SDK1: variants seen among roughly 807,000 people sequenced by gnomAD.
The protein encoded by SDK1 is protein sidekick-1.
SDK1 carries 157 observed loss-of-function variants against 245.5 expected under a neutral mutation model. The ratio of observed to expected loss-of-function variants is 0.64; its 90% CI spans 0.56 to 0.73. SDK1 has a LOEUF of 0.73. Among genes scored for constraint, SDK1 ranks in the 30% least tolerant of loss-of-function variants. The pLI, the probability that SDK1 is intolerant of heterozygous loss-of-function variation, is 0.00. For missense variants in SDK1, 3,583 were observed against 3,002.3 expected (o/e 1.19, Z -4.52); for synonymous variants, 1,647 against 1,278.5 (o/e 1.29, Z -6.15).
Position 3,471,037 on chromosome 7 carries a change from C to G in SDK1, c.299-148043C>G, listed in dbSNP as rs182963592. On this transcript the variant is annotated intron_variant, in intron 1 of 44. Coordinates refer to ENST00000404826, the MANE Select transcript of SDK1 (RefSeq NM_152744.4). ...AGTTTCTGAGTTGACCAACAAGATTCCATCAGCATCTGGCAATTATTTTAT... is the reference window on the plus strand; with the variant it reads ...AGTTTCTGAGTTGACCAACAAGATTGCATCAGCATCTGGCAATTATTTTAT... Among the ~76,000 whole-genome samples, 374 of 152,250 alleles carry G rather than the reference C, an allele frequency of 2.5e-3. 4 individuals are homozygous for G. The highest frequency in any genetic ancestry group is 8.6e-3 in the African/African-American group (358 of 41,550).
intron 5 of SDK1, among the ~76,000 whole-genome samples, chr7:3,841,788 C>T (rs1294499310): frequency 6.6e-6 from 1 of 152,082 alleles, no homozygotes; most frequent in Non-Finnish European, 1.5e-5. Context: ...GTCTCGAACT[C>T]CTGACCTCAG....
intron 17 of SDK1, among the ~76,000 whole-genome samples, chr7:4,024,776 G>C (rs1220622524): frequency 1.3e-5 from 2 of 152,158 alleles, no homozygotes; most frequent in African/African-American, 4.8e-5. Flanking sequence ...AAGTCTGCTG[G>C]GCTCCCAAGC....
chr7:3,825,361 T>C (rs1779746416), intron 5 of SDK1, among the ~76,000 whole-genome samples: 1 of 149,444 alleles, frequency 6.7e-6, no homozygotes, highest in Non-Finnish European at 1.5e-5. Flanking sequence ...ATGAGACGAA[T>C]TCTATACAGT....
At chr7:4,083,775 T>TTTAC (rs2128180574) in intron 22 of SDK1, among the ~76,000 whole-genome samples, 5 of 55,560 alleles carry the variant, frequency 9.0e-5, no homozygotes, top group Admixed American at 2.4e-4. Context: ...CCCTCCCTTC[T>TTTAC]TTCCTCCCTC....
chr7:3,495,693 C>T (rs566606389), intron 1 of SDK1, among the ~76,000 whole-genome samples: 4 of 152,340 alleles, frequency 2.6e-5, no homozygotes, highest in South Asian at 4.1e-4. Context: ...GTGGTTCCTG[C>T]GTCAGTCTTC....
At chr7:3,602,689 C>G (rs1781289863) in intron 1 of SDK1, among the ~76,000 whole-genome samples, 1 of 151,968 alleles carries the variant, frequency 6.6e-6, no homozygotes, top group Admixed American at 6.6e-5. Flanking sequence ...AATTAGATCC[C>G]ATTTGTCAAT....
intron 5 of SDK1, among the ~76,000 whole-genome samples, chr7:3,920,768 G>A (rs1779559135): frequency 6.6e-6 from 1 of 151,706 alleles, no homozygotes; most frequent in South Asian, 2.1e-4. Context: ...GGAGCAGTGA[G>A]AGTGAAGAGG....
Position 3,821,433 on chromosome 7 carries a change from C to A in SDK1, c.714-17C>A. On this transcript the variant is annotated splice_polypyrimidine_tract_variant and intron_variant, in intron 4 of 44. Coordinates refer to ENST00000404826, the MANE Select transcript of SDK1 (RefSeq NM_152744.4). ...CCTGGAGTAGCTTTGACACTGTCCT[C>A]TTCTTTTCTGAAACAGAGCCATCAC... 2 of 1,611,002 alleles carry A rather than the reference C, an allele frequency of 1.2e-6. No individual in the cohort carries two copies. The highest frequency in any genetic ancestry group is 1.7e-6 in the Non-Finnish European group (2 of 1,178,874).
At position 3,301,679 on chromosome 7, in the gene SDK1, C is replaced by G. The variant is rs1039180433; in HGVS notation, c.93C>G (p.Ser31=). 8 of 974,388 alleles carry G rather than the reference C, an allele frequency of 8.2e-6. No individual in the cohort carries two copies. In the African/African-American group the frequency reaches 1.4e-4, roughly 17 times the overall value. 60.4% of individuals were successfully genotyped at this position (974,388 alleles called of 1,614,324 possible). ...ERAGPGRPRG[S]PPGRARPSLA... is the part of the protein sequence containing the mutation. ...CGGGCCCCGGGCGGCCGCGGGGATC[C>G]CCGCCCGGCCGCGCCCGCCCCTCGC... The change falls in exon 1 of 45, where the codon TCC becomes TCG. Residue 31 remains serine, a synonymous_variant. Transcript: ENST00000404826.
At chr7:4,002,646 A>C (rs1159687493) in intron 14 of SDK1, among the ~76,000 whole-genome samples, 1 of 152,218 alleles carries the variant, frequency 6.6e-6, no homozygotes, top group Non-Finnish European at 1.5e-5. Flanking sequence ...TTATGGTATA[A>C]ATAATGTACA....
intron 4 of SDK1, among the ~76,000 whole-genome samples, chr7:3,754,590 C>A (rs925215240): frequency 6.6e-6 from 1 of 152,034 alleles, no homozygotes; most frequent in African/African-American, 2.4e-5. Context: ...CTCCAGTGTT[C>A]CTCCTTCCTC....
chr7:3,604,759 C>A (rs1038701841), intron 1 of SDK1, among the ~76,000 whole-genome samples: 3 of 151,572 alleles, frequency 2.0e-5, no homozygotes, highest in African/African-American at 7.3e-5. Flanking sequence ...TGTGTCACTA[C>A]GGCAGGCTAA....
At chr7:3,529,398 G>C (rs191248140) in intron 1 of SDK1, among the ~76,000 whole-genome samples, 1 of 152,330 alleles carries the variant, frequency 6.6e-6, no homozygotes, top group African/African-American at 2.4e-5. Context: ...ATCTGTGCTA[G>C]AAAGTAAGGA....
At chr7:4,068,156 CCAT>C (rs1393093664) in intron 20 of SDK1, among the ~76,000 whole-genome samples, 1 of 152,178 alleles carries the variant, frequency 6.6e-6, no homozygotes, top group Non-Finnish European at 1.5e-5. Context: ...TGGGCAGCAG[CCAT>C]AGTTTGAGAT....
intron 1 of SDK1, among the ~76,000 whole-genome samples, chr7:3,315,698 C>T (rs1224158322): frequency 6.6e-6 from 1 of 151,992 alleles, no homozygotes; most frequent in Non-Finnish European, 1.5e-5. Context: ...GCATTTATAA[C>T]TTTTTAAAAA....
intron 44 of SDK1, among the ~76,000 whole-genome samples, chr7:4,254,958 C>T (rs1216540329): frequency 2.0e-5 from 3 of 152,214 alleles, no homozygotes; most frequent in Non-Finnish European, 4.4e-5. Flanking sequence ...TGGCGTCATA[C>T]CCAGCAGTTA....
intron 20 of SDK1, among the ~76,000 whole-genome samples, chr7:4,068,926 T>C (rs147503011): frequency 0.024 from 3,633 of 152,154 alleles, 123 homozygotes; most frequent in African/African-American, 0.068. Flanking sequence ...TTTGCCATGT[T>C]GGCCAGGCTG....
chr7:3,541,909 T>C (rs1458666827), intron 1 of SDK1, among the ~76,000 whole-genome samples: 1 of 152,234 alleles, frequency 6.6e-6, no homozygotes, highest in African/African-American at 2.4e-5. Context: ...AATAAAATTC[T>C]TTAAGAGAAG....
chr7:3,462,000 AC>A (rs1328043255), intron 1 of SDK1, among the ~76,000 whole-genome samples: 2 of 151,866 alleles, frequency 1.3e-5, no homozygotes, highest in African/African-American at 4.8e-5. Flanking sequence ...ACCTCCCCTA[AC>A]CCTTCCCTAA....
Sources: allele counts gnomAD v4.1 joint callset (sites outside exome capture counted in the v4.1 genomes callset), GRCh38; gene constraint gnomAD v4.1.1; transcripts MANE v1.5; gene names NCBI Gene and HGNC (gene_info 2026-07-23, HGNC 2026-07-21).